The following NFX1 variants were observed in gnomAD, a reference collection of about 807,000 sequenced individuals.
NFX1 encodes the protein nuclear transcription factor, X-box binding 1, also known as transcriptional repressor NF-X1.
NFX1 carries 69 observed loss-of-function variants against 137.2 expected under a neutral mutation model. The observed-to-expected ratio is 0.50, with a 90% CI of 0.41 to 0.61. NFX1 has a LOEUF of 0.61. NFX1 is among the 20% of genes least tolerant of loss of function. The pLI, the probability that NFX1 is intolerant of heterozygous loss-of-function variation, is 0.00. For synonymous variants in NFX1, 495 were observed against 474.1 expected, an observed-to-expected ratio of 1.04 and a Z score of -0.57; for missense variants, 1,167 against 1,391.0, an observed-to-expected ratio of 0.84 and a Z score of 2.56.
intron 11 of NFX1, among the ~76,000 whole-genome samples, chr9:33,336,370 C>A (rs376342253): frequency 2.0e-5 from 3 of 152,078 alleles, no homozygotes; most frequent in Non-Finnish European, 4.4e-5. Context: ...TGCCCGCCAC[C>A]GCGCCCGGCT....
At chr9:33,293,004 C>T (rs567291860) in intron 1 of NFX1, among the ~76,000 whole-genome samples, 3 of 152,198 alleles carry the variant, frequency 2.0e-5, no homozygotes, top group African/African-American at 4.8e-5. Context: ...TAGAATTCTG[C>T]CTATGTGAAA....
intron 7 of NFX1, among the ~76,000 whole-genome samples, chr9:33,316,825 A>C (rs956100845): frequency 6.6e-6 from 1 of 152,152 alleles, no homozygotes; most frequent in Non-Finnish European, 1.5e-5. Flanking sequence ...TCTCGTGCCT[A>C]GGAGAGCTTT....
intron 7 of NFX1, 149 bp downstream of exon 7, chr9:33,313,942 T>G (rs1822057945): frequency 2.7e-6 from 2 of 744,210 alleles, no homozygotes; most frequent in African/African-American, 1.8e-5. Flanking sequence ...TAGACGGTTT[T>G]TATTATTTTA....
At chr9:33,301,474 A>G in intron 3 of NFX1, 53 bp downstream of exon 3, 2 of 1,550,554 alleles carry the variant, frequency 1.3e-6, no homozygotes, top group Non-Finnish European at 8.7e-7. Context: ...GATACGTTTA[A>G]GTATTATTAA....
chr9:33,307,411 G>A lies in NFX1; in HGVS notation c.1376+112G>A, dbSNP rs1383132310. ...TGGTTTGGGATGAAGGGTGATATGG[G>A]ACCTCAGTAAATGGTCTCAAATCAC... On this transcript the variant is annotated intron_variant, in intron 5 of 23. Transcript: ENST00000379540. 5.8e-6 allele frequency: 5 copies of A among 857,094 alleles called. No individual in the cohort carries two copies. The African/African-American group carries it at 6.7e-5, about 11-fold the overall frequency. 53.1% of individuals were successfully genotyped at this position (857,094 alleles called of 1,614,324 possible). A position where few individuals can be genotyped will look rare whatever the true frequency, so the allele number is the denominator to read the frequency against.
At position 33,323,777 on chromosome 9, in the gene NFX1, AC is replaced by A. The variant is rs1015886663; in HGVS notation, c.1906+4651del. 4.6e-5 allele frequency among the ~76,000 whole-genome samples: 7 copies of A among 151,116 alleles called. No individual in the cohort carries two copies. The East Asian group carries it at 5.8e-4, about 12-fold the overall frequency. ...CAAAAAAAAAAACAAACAAAAAAAA[AC>A]AAATAAATAAATATCTTCAAAGAAT... On this transcript the variant is annotated intron_variant, in intron 9 of 23. Coordinates refer to ENST00000379540, the MANE Select transcript of NFX1 (RefSeq NM_002504.6).
At chr9:33,296,605 C>A (rs1270316093) in intron 2 of NFX1, among the ~76,000 whole-genome samples, 1 of 152,194 alleles carries the variant, frequency 6.6e-6, no homozygotes, top group African/African-American at 2.4e-5. Context: ...CATGTTAGCA[C>A]ATGCCTGTAG....
rs201981020 is a variant in NFX1 at position 33,366,623 on chromosome 9, A to C, written c.3040-6A>C. 5 of 1,613,816 alleles carry C rather than the reference A, an allele frequency of 3.1e-6. No homozygotes were observed. The highest frequency in any genetic ancestry group is 4.2e-6 in the Non-Finnish European group (5 of 1,179,984). ...GATCAATCAGTCATCTTTTCCCTCA[A>C]TACAGGGAAAGAATAGTAAGAAAAG... On this transcript the variant is annotated splice_region_variant and splice_polypyrimidine_tract_variant and intron_variant, in intron 21 of 23. Coordinates refer to ENST00000379540, the MANE Select transcript of NFX1 (RefSeq NM_002504.6).
chr9:33,299,482 C>T (rs1352644863), intron 2 of NFX1, among the ~76,000 whole-genome samples: 1 of 152,068 alleles, frequency 6.6e-6, no homozygotes, highest in African/African-American at 2.4e-5. Flanking sequence ...CCCAGGAGTT[C>T]AAGACCATCC....
At chr9:33,353,758 G>A (rs1823724542) in intron 17 of NFX1, among the ~76,000 whole-genome samples, 3 of 141,330 alleles carry the variant, frequency 2.1e-5, no homozygotes, top group African/African-American at 5.3e-5. Flanking sequence ...GTGCAATCTC[G>A]GCTCACTGCA....
intron 13 of NFX1, among the ~76,000 whole-genome samples, chr9:33,343,307 T>A (rs1823295429): frequency 6.6e-6 from 1 of 152,194 alleles, no homozygotes; most frequent in Non-Finnish European, 1.5e-5. Flanking sequence ...AATAATTGAT[T>A]AGTATATTTA....
intron 12 of NFX1, among the ~76,000 whole-genome samples, chr9:33,341,719 A>G (rs1564134118): frequency 6.6e-6 from 1 of 152,182 alleles, no homozygotes; most frequent in African/African-American, 2.4e-5. Context: ...TGCTTGATCC[A>G]AGGAATTCAA....
chr9:33,366,739 T>C lies in NFX1; in HGVS notation c.3150T>C (p.Ser1050=). Residue 1050 remains serine (S), a synonymous_variant, in exon 22 of 24, where the codon AGT becomes AGC. Transcript: ENST00000379540. The stretch of plus-strand genomic sequence containing the variant: ...GCCTGGAGAGCGTGAGCTATGACAG[T>C]GAACCGAAGCGCAATGTGGTGGTCA... ...VYGLESVSYD[S]EPKRNVVVTA... is the part of the protein sequence containing the mutation. 4 of 1,614,156 alleles carry C rather than the reference T, an allele frequency of 2.5e-6. No homozygotes were observed. The highest frequency in any genetic ancestry group is 3.4e-6 in the Non-Finnish European group (4 of 1,180,042).
chr9:33,296,076 G>A (rs527488256), intron 2 of NFX1, among the ~76,000 whole-genome samples: 1 of 152,096 alleles, frequency 6.6e-6, no homozygotes, highest in Non-Finnish European at 1.5e-5. Context: ...ACAGGCGCCC[G>A]CCACCATGCT....
chr9:33,355,356 C>T (rs564991694), intron 19 of NFX1, among the ~76,000 whole-genome samples: 2 of 152,092 alleles, frequency 1.3e-5, no homozygotes, highest in African/African-American at 2.4e-5. Context: ...TTACCAGAAC[C>T]GTCTCTTGTA....
At chr9:33,295,479 T>G in intron 2 of NFX1, 52 bp downstream of exon 2, 27 of 1,513,752 alleles carry the variant, frequency 1.8e-5, no homozygotes, top group Non-Finnish European at 2.4e-5. Flanking sequence ...TTTAAATTTT[T>G]AAATAAGTCA....
At chr9:33,290,777 A>G (rs946765562) in intron 1 of NFX1, among the ~76,000 whole-genome samples, 180 bp downstream of exon 1, 7 of 152,178 alleles carry the variant, frequency 4.6e-5, no homozygotes, top group Non-Finnish European at 1.0e-4. Context: ...GTCTTCTTGG[A>G]CTAGATGGTG....
intron 1 of NFX1, among the ~76,000 whole-genome samples, chr9:33,292,250 T>G (rs1028237253): frequency 1.3e-5 from 2 of 152,100 alleles, no homozygotes; most frequent in African/African-American, 4.8e-5. Context: ...TTCATGTGCT[T>G]TAGTTTGATT....
intron 5 of NFX1, 103 bp from the exon 6 acceptor site, chr9:33,311,003 A>G: frequency 2.2e-6 from 2 of 896,338 alleles, no homozygotes; most frequent in East Asian, 2.4e-5. Flanking sequence ...ATGTCATAGT[A>G]GATGTATTTG....
Sources: gnomAD v4.1 joint callset for allele counts (sites outside exome capture counted in the v4.1 genomes callset) on GRCh38, gnomAD v4.1.1 for gene constraint, MANE v1.5 for transcripts, NCBI Gene and HGNC (gene_info 2026-07-23, HGNC 2026-07-21) for gene names.